Variants in SPAG16 observed in about 807,000 individuals in gnomAD.
SPAG16 encodes sperm-associated antigen 16 protein.
SPAG16 carries 86 observed loss-of-function variants against 80.4 expected under a neutral mutation model. The ratio of observed to expected loss-of-function variants is 1.07; its 90% confidence interval spans 0.90 to 1.28. The LOEUF (loss-of-function observed/expected upper bound fraction) is 1.28, where lower values mean the gene tolerates loss of function less well. SPAG16 is among the 50% of genes most tolerant of loss of function. SPAG16 has a pLI of 0.00. For missense variants in SPAG16, 870 were observed against 765.3 expected (o/e 1.14, Z -1.61); for synonymous variants, 294 against 265.9 (o/e 1.11, Z -1.03).
Position 213,614,284 on chromosome 2 carries a change from CA to C in SPAG16, c.1070+124197del, listed in dbSNP as rs1425509769. ...CTTTTCCAACAACTGATTTTTGTAA[CA>C]AATTTCATTTAAAGGGATACAAATG... is the stretch of plus-strand genomic sequence containing the variant. On this transcript the variant is annotated intron_variant, in intron 10 of 15. Coordinates refer to ENST00000331683, the MANE Select transcript of SPAG16 (RefSeq NM_024532.5). 2.6e-5 allele frequency among the ~76,000 whole-genome samples: 4 copies of C among 152,286 alleles called. No individual in the cohort carries two copies. In the East Asian group the frequency reaches 7.7e-4, roughly 29 times the overall value.
intron 10 of SPAG16, among the ~76,000 whole-genome samples, chr2:213,619,635 G>A (rs1460374207): frequency 1.3e-5 from 2 of 152,006 alleles, no homozygotes; most frequent in Non-Finnish European, 2.9e-5. Context: ...AGTTAGAATA[G>A]CTAATATAAA....
chr2:214,242,535 A>G (rs187784921), intron 15 of SPAG16, among the ~76,000 whole-genome samples: 286 of 152,298 alleles, frequency 1.9e-3, no homozygotes, highest in African/African-American at 6.5e-3. Context: ...GACCAGTAAG[A>G]AGTCTCTCAA....
At chr2:214,258,490 T>TATATATATATATATAC (rs771803590) in intron 15 of SPAG16, among the ~76,000 whole-genome samples, 1 of 147,394 alleles carries the variant, frequency 6.8e-6, no homozygotes, top group Non-Finnish European at 1.5e-5. Context: ...TATATATATA[T>TATATATATATATATAC]ACACACACAC....
chr2:213,728,138 T>G (rs1372299006), intron 10 of SPAG16, among the ~76,000 whole-genome samples: 1 of 152,130 alleles, frequency 6.6e-6, no homozygotes, highest in Non-Finnish European at 1.5e-5. Flanking sequence ...CGTGAACCAC[T>G]GCACCCGGCC....
intron 15 of SPAG16, among the ~76,000 whole-genome samples, chr2:214,309,925 G>A (rs1244769789): frequency 2.0e-5 from 3 of 152,194 alleles, no homozygotes; most frequent in Non-Finnish European, 4.4e-5. Context: ...TGTTGCACTA[G>A]AGGTGATGTT....
chr2:214,117,627 T>C (rs1377179365), intron 14 of SPAG16, among the ~76,000 whole-genome samples: 1 of 151,910 alleles, frequency 6.6e-6, no homozygotes, highest in Non-Finnish European at 1.5e-5. Flanking sequence ...GCAAACCAAA[T>C]CCAACAGCAC....
intron 15 of SPAG16, among the ~76,000 whole-genome samples, chr2:214,204,611 C>T (rs2058092898): frequency 1.3e-5 from 2 of 152,208 alleles, no homozygotes; most frequent in Non-Finnish European, 1.5e-5. Flanking sequence ...CAGAAAGCCC[C>T]ATCCCTAGGA....
intron 10 of SPAG16, among the ~76,000 whole-genome samples, chr2:213,751,674 C>T (rs763297544): frequency 2.6e-5 from 4 of 152,310 alleles, no homozygotes; most frequent in Admixed American, 6.5e-5. Context: ...CGCACACGCA[C>T]GCCTGAACTT....
chr2:213,378,947 A>G (rs2067027649), intron 9 of SPAG16, among the ~76,000 whole-genome samples: 1 of 152,200 alleles, frequency 6.6e-6, no homozygotes, highest in South Asian at 2.1e-4. Context: ...GTGGAGTAGT[A>G]GACTGATTTC....
intron 15 of SPAG16, among the ~76,000 whole-genome samples, chr2:214,377,532 C>A (rs1020220752): frequency 6.6e-6 from 1 of 152,126 alleles, no homozygotes; most frequent in Non-Finnish European, 1.5e-5. Context: ...ATAACATTTT[C>A]TTTTCTCTAG....
rs530869126 is a variant in SPAG16, at chr2:213,868,958, A to G, written c.1214+6330A>G. 1.3e-3 allele frequency among the ~76,000 whole-genome samples: 194 copies of G among 152,190 alleles called. 1 individual carries two copies. Among genetic ancestry groups the G allele is most frequent in the Middle Eastern group, 6.8e-3 (2 of 294 alleles). On this transcript the variant is annotated intron_variant, in intron 11 of 15. Transcript: ENST00000331683. ...GTACATTATTTAGATTTTTAAAAAT[A>G]TATATACATGGGACTGGGCATGGTG...
intron 15 of SPAG16, among the ~76,000 whole-genome samples, chr2:214,328,725 T>C (rs1276476330): frequency 1.3e-5 from 2 of 151,890 alleles, no homozygotes; most frequent in African/African-American, 4.8e-5. Context: ...ATTTTCAATT[T>C]ATCTTTTGAT....
chr2:213,833,494 A>ATAATATATATT (rs1559506049), intron 10 of SPAG16, among the ~76,000 whole-genome samples: 1 of 1,444 alleles, frequency 6.9e-4, no homozygotes, highest in African/African-American at 9.2e-4. Flanking sequence ...TATTATATAT[A>ATAATATATATT]ATATATATAT....
intron 15 of SPAG16, among the ~76,000 whole-genome samples, chr2:214,375,486 C>T (rs1700070946): frequency 1.3e-5 from 2 of 152,088 alleles, no homozygotes. Flanking sequence ...AATAGTCTCT[C>T]AACCAGTATG....
At chr2:214,131,388 A>G (rs1287728122) in intron 14 of SPAG16, among the ~76,000 whole-genome samples, 3 of 152,144 alleles carry the variant, frequency 2.0e-5, no homozygotes, top group African/African-American at 4.8e-5. Context: ...AAAAAAAAAA[A>G]AAATCAAACT....
intron 12 of SPAG16, among the ~76,000 whole-genome samples, chr2:213,992,618 T>G (rs1018515700): frequency 3.9e-5 from 6 of 152,098 alleles, no homozygotes; most frequent in African/African-American, 1.4e-4. Context: ...ATCATAGAAT[T>G]AAGGATTACT....
chr2:213,599,620 G>A (rs970180932), intron 10 of SPAG16, among the ~76,000 whole-genome samples: 1 of 152,126 alleles, frequency 6.6e-6, no homozygotes, highest in African/African-American at 2.4e-5. Flanking sequence ...TACAAAATAT[G>A]TGTTAACCGA....
At chr2:214,019,954 T>C (rs995015366) in intron 13 of SPAG16, among the ~76,000 whole-genome samples, 24 of 152,328 alleles carry the variant, frequency 1.6e-4, no homozygotes, top group African/African-American at 5.3e-4. Flanking sequence ...TATATAACTA[T>C]AGCTTTGGTT....
intron 9 of SPAG16, among the ~76,000 whole-genome samples, chr2:213,447,483 T>G (rs1391996140): frequency 6.6e-6 from 1 of 152,232 alleles, no homozygotes; most frequent in Non-Finnish European, 1.5e-5. Flanking sequence ...TTTCCTCTTT[T>G]TGATGCCTAT....
Sources: gnomAD v4.1 joint callset for allele counts (sites outside exome capture counted in the v4.1 genomes callset) on GRCh38, gnomAD v4.1.1 for gene constraint, MANE v1.5 for transcripts, NCBI Gene and HGNC (gene_info 2026-07-23, HGNC 2026-07-21) for gene names.